EFNA5: variants seen among roughly 807,000 people sequenced by gnomAD.
EFNA5 encodes the protein ephrin A5.
A neutral mutation model predicts 22.9 loss-of-function variants in EFNA5; 5 were observed. That is an observed-to-expected ratio of 0.22 (90% CI 0.11 to 0.46). The LOEUF (loss-of-function observed/expected upper bound fraction) is 0.46. Ranked by LOEUF, EFNA5 falls within the 20% of genes least tolerant of loss-of-function variation. EFNA5 has a pLI of 0.99. For synonymous variants in EFNA5, 113 were observed against 112.2 expected (o/e 1.01, Z -0.04); for missense variants, 237 against 293.3 (o/e 0.81, Z 1.40).
At chr5:107,524,170 T>C (rs937329854) in intron 1 of EFNA5, among the ~76,000 whole-genome samples, 3 of 152,226 alleles carry the variant, frequency 2.0e-5, no homozygotes, top group African/African-American at 7.2e-5. Flanking sequence ...GCCACGCACA[T>C]TCTAACTTGA....
intron 1 of EFNA5, among the ~76,000 whole-genome samples, chr5:107,499,844 T>C (rs1747089997): frequency 6.6e-6 from 1 of 152,142 alleles, no homozygotes; most frequent in Non-Finnish European, 1.5e-5. Flanking sequence ...CCAATATAAA[T>C]GCATCAGGTG....
intron 2 of EFNA5, among the ~76,000 whole-genome samples, chr5:107,398,420 G>T (rs920368144): frequency 3.9e-5 from 6 of 152,078 alleles, no homozygotes; most frequent in African/African-American, 1.2e-4. Flanking sequence ...TGCTACTAGA[G>T]TTGCAAATTC....
At chr5:107,566,281 A>G (rs1748666347) in intron 1 of EFNA5, among the ~76,000 whole-genome samples, 1 of 152,106 alleles carries the variant, frequency 6.6e-6, no homozygotes, top group South Asian at 2.1e-4. Flanking sequence ...TTTCACAGTC[A>G]TGTTACTGGG....
chr5:107,529,158 A>G (rs925616961), intron 1 of EFNA5, among the ~76,000 whole-genome samples: 1 of 152,166 alleles, frequency 6.6e-6, no homozygotes, highest in African/African-American at 2.4e-5. Flanking sequence ...CAGTAATTAA[A>G]TTAGCCAGCT....
At chr5:107,587,442 A>C (rs1749213027) in intron 1 of EFNA5, among the ~76,000 whole-genome samples, 1 of 152,228 alleles carries the variant, frequency 6.6e-6, no homozygotes, top group East Asian at 1.9e-4. Flanking sequence ...TTTACACTTG[A>C]AACTGTATAT....
chr5:107,449,170 G>A (rs1383719409), intron 1 of EFNA5, among the ~76,000 whole-genome samples: 2 of 152,100 alleles, frequency 1.3e-5, no homozygotes, highest in Non-Finnish European at 2.9e-5. Context: ...CAAATGATAC[G>A]ATTTAGTGGA....
At chr5:107,385,822 T>C (rs1315398735) in intron 4 of EFNA5, among the ~76,000 whole-genome samples, 3 of 152,134 alleles carry the variant, frequency 2.0e-5, no homozygotes, top group African/African-American at 7.2e-5. Flanking sequence ...AATGCCTTCA[T>C]GTCAGCATTC....
At chr5:107,604,628 T>C (rs1749674238) in intron 1 of EFNA5, among the ~76,000 whole-genome samples, 1 of 152,090 alleles carries the variant, frequency 6.6e-6, no homozygotes, top group African/African-American at 2.4e-5. Flanking sequence ...AAAAAATAAA[T>C]ATCATAATGC....
At chr5:107,434,971 A>G (rs531638101) in intron 1 of EFNA5, among the ~76,000 whole-genome samples, 1 of 152,232 alleles carries the variant, frequency 6.6e-6, no homozygotes, top group Non-Finnish European at 1.5e-5. Flanking sequence ...TTTATGGTCA[A>G]AGATTAAGCA....
intron 1 of EFNA5, among the ~76,000 whole-genome samples, chr5:107,594,789 A>G (rs574297064): frequency 6.6e-6 from 1 of 152,136 alleles, no homozygotes; most frequent in Admixed American, 6.5e-5. Flanking sequence ...GTATGCACTG[A>G]CCAGCACCGG....
intron 1 of EFNA5, among the ~76,000 whole-genome samples, chr5:107,573,857 G>C (rs558562764): frequency 5.3e-5 from 8 of 152,292 alleles, no homozygotes; most frequent in African/African-American, 1.9e-4. Context: ...GCTGTGAATA[G>C]AGCTGTCAAG....
intron 1 of EFNA5, among the ~76,000 whole-genome samples, chr5:107,575,552 G>A (rs1424389367): frequency 6.6e-6 from 1 of 152,058 alleles, no homozygotes; most frequent in East Asian, 1.9e-4. Flanking sequence ...TCAAGTTGGT[G>A]AAAATGTGGT....
chr5:107,547,060 C>A (rs1748179825), intron 1 of EFNA5, among the ~76,000 whole-genome samples: 1 of 152,176 alleles, frequency 6.6e-6, no homozygotes, highest in Admixed American at 6.5e-5. Flanking sequence ...CTCAAACTGA[C>A]AACCAAGCAA....
At chr5:107,517,032 T>C (rs1478901798) in intron 1 of EFNA5, among the ~76,000 whole-genome samples, 1 of 151,960 alleles carries the variant, frequency 6.6e-6, no homozygotes, top group Non-Finnish European at 1.5e-5. Flanking sequence ...CTTTCTAGAA[T>C]ACACACGTCA....
chr5:107,386,776 C>G lies in EFNA5; in HGVS notation c.565+459G>C, dbSNP rs1747635729. Among the ~76,000 whole-genome samples, 3 of 152,208 alleles carry G rather than the reference C, an allele frequency of 2.0e-5. No individual in the cohort carries two copies. In the South Asian group the frequency reaches 6.2e-4, roughly 32 times the overall value. ...GATGCATGTAAATTTCTAGAGAAAA[C>G]TAAGTATGTTGAATTAGTTTCTATT... On this transcript the variant is annotated intron_variant, in intron 4 of 4. Transcript: ENST00000333274.
intron 1 of EFNA5, among the ~76,000 whole-genome samples, chr5:107,532,511 G>C (rs745804245): frequency 3.2e-4 from 49 of 152,334 alleles, no homozygotes; most frequent in Admixed American, 5.9e-4. Flanking sequence ...GTAGTGGCAA[G>C]ACAGATGAAG....
chr5:107,651,367 TAG>T (rs1048191537), intron 1 of EFNA5, among the ~76,000 whole-genome samples: 5 of 152,286 alleles, frequency 3.3e-5, no homozygotes, highest in Non-Finnish European at 7.4e-5. Context: ...AGTCAATTCC[TAG>T]AGGGGCACAT....
chr5:107,402,309 T>C (rs1461131110), intron 2 of EFNA5, among the ~76,000 whole-genome samples: 2 of 152,208 alleles, frequency 1.3e-5, no homozygotes, highest in East Asian at 1.9e-4. Flanking sequence ...ATTGTGTATA[T>C]ATGTCTGTAA....
chr5:107,415,315 T>C (rs1748474699), intron 2 of EFNA5, among the ~76,000 whole-genome samples: 1 of 152,178 alleles, frequency 6.6e-6, no homozygotes, highest in Non-Finnish European at 1.5e-5. Context: ...GTTTACTCTT[T>C]AAGAATATAC....
Sources: allele counts gnomAD v4.1 joint callset (sites outside exome capture counted in the v4.1 genomes callset), GRCh38; gene constraint gnomAD v4.1.1; transcripts MANE v1.5; gene names NCBI Gene and HGNC (gene_info 2026-07-23, HGNC 2026-07-21).